NRXN3: variants seen among roughly 807,000 people sequenced by gnomAD.
NRXN3 encodes neurexin 3, also known as neurexin III.
Under a neutral mutation model 137.6 loss-of-function variants are expected in NRXN3, and 32 were observed. The ratio of observed to expected loss-of-function variants is 0.23; its 90% CI spans 0.18 to 0.31. The LOEUF is 0.31. Ranked by LOEUF, NRXN3 falls within the 10% of genes least tolerant of loss-of-function variation. The pLI is 1.00. For missense variants in NRXN3, 1,574 were observed against 2,062.5 expected (o/e 0.76, Z 4.59); for synonymous variants, 798 against 784.5 (o/e 1.02, Z -0.29).
At position 79,359,160 on chromosome 14, in the gene NRXN3, G is replaced by C. The variant is rs372418227; in HGVS notation, c.3263-108061G>C. Among the ~76,000 whole-genome samples the C allele has an allele frequency of 5.5e-3, 834 of 151,940 alleles. 8 individuals carry two copies. The highest frequency in any genetic ancestry group is 0.015 in the African/African-American group (623 of 41,466). ...CCTGTTTCCACCTTCCAAGTATTTT[G>C]GTTTTAGGTAGCAAAGACAATTCTT... On this transcript the variant is annotated intron_variant, in intron 15 of 20. Transcript: ENST00000335750.
At chr14:78,793,741 G>A (rs1385437024) in intron 8 of NRXN3, among the ~76,000 whole-genome samples, 1 of 152,128 alleles carries the variant, frequency 6.6e-6, no homozygotes, top group Non-Finnish European at 1.5e-5. Flanking sequence ...CCAGACCCCA[G>A]AGGGAAAGCA....
chr14:79,241,147 A>G (rs539837738), intron 15 of NRXN3, among the ~76,000 whole-genome samples: 2 of 152,268 alleles, frequency 1.3e-5, no homozygotes, highest in East Asian at 3.9e-4. Context: ...GTAGTGTCAC[A>G]TGGTCAGGTT....
At chr14:79,350,104 T>A (rs1241778881) in intron 15 of NRXN3, among the ~76,000 whole-genome samples, 2 of 152,196 alleles carry the variant, frequency 1.3e-5, no homozygotes, top group Non-Finnish European at 2.9e-5. Context: ...AATACTATAA[T>A]CTATAAGAGT....
intron 4 of NRXN3, among the ~76,000 whole-genome samples, chr14:78,464,163 C>T (rs557852642): frequency 6.6e-6 from 1 of 151,944 alleles, no homozygotes; most frequent in South Asian, 2.1e-4. Flanking sequence ...AGCGATTCTC[C>T]AGCTTCAGCC....
chr14:78,277,091 A>G (rs909199), intron 2 of NRXN3, among the ~76,000 whole-genome samples: 113,744 of 152,110 alleles, frequency 0.75, 42,827 homozygotes, highest in African/African-American at 0.81. Flanking sequence ...AGGGGAGGCA[A>G]GGTGGGGGCT....
In NRXN3 at chr14:79,133,821, C is replaced by CGGGAG. The variant is rs2057898840; in HGVS notation, c.3262+145682_3262+145686dup. Among the ~76,000 whole-genome samples the CGGGAG allele has an allele frequency of 3.3e-5, 5 of 150,848 alleles. No homozygotes were observed. In the South Asian group the frequency reaches 1.1e-3, roughly 32 times the overall value. On this transcript the variant is annotated intron_variant, in intron 15 of 20. Coordinates refer to ENST00000335750, the MANE Select transcript of NRXN3 (RefSeq NM_001330195.2). ...GTGGGCGCCTGTAGTCCCAGCTACT[C>CGGGAG]GGGAGGCTGAGGCAGGAGAATGGCG...
intron 8 of NRXN3, among the ~76,000 whole-genome samples, chr14:78,716,483 G>T (rs558310492): frequency 6.0e-4 from 91 of 152,326 alleles, no homozygotes; most frequent in African/African-American, 2.1e-3. Flanking sequence ...ATAATAAGCT[G>T]TAATAAGATG....
chr14:78,686,063 A>G (rs1283860823), intron 6 of NRXN3, among the ~76,000 whole-genome samples: 1 of 152,144 alleles, frequency 6.6e-6, no homozygotes, highest in Non-Finnish European at 1.5e-5. Flanking sequence ...ACCATCTAAC[A>G]TGCCGTAAAT....
At chr14:79,232,820 T>C (rs571986860) in intron 15 of NRXN3, among the ~76,000 whole-genome samples, 13 of 152,304 alleles carry the variant, frequency 8.5e-5, no homozygotes, top group African/African-American at 3.1e-4. Flanking sequence ...AATCCAACTT[T>C]CTTCTATGTA....
chr14:79,371,099 G>C (rs2094093660), intron 15 of NRXN3, among the ~76,000 whole-genome samples: 1 of 152,196 alleles, frequency 6.6e-6, no homozygotes, highest in Non-Finnish European at 1.5e-5. Context: ...ACTGTTCCAG[G>C]TATCAAGCAG....
At chr14:78,582,718 T>C (rs1305256592) in intron 4 of NRXN3, among the ~76,000 whole-genome samples, 1 of 152,218 alleles carries the variant, frequency 6.6e-6, no homozygotes, top group Non-Finnish European at 1.5e-5. Context: ...GAAATCAATT[T>C]GTTTTCGTTG....
chr14:78,922,938 C>T (rs991009970), intron 10 of NRXN3, among the ~76,000 whole-genome samples: 1 of 152,198 alleles, frequency 6.6e-6, no homozygotes, highest in Non-Finnish European at 1.5e-5. Context: ...GTCACAGCAG[C>T]ATTTTTTCCC....
chr14:78,518,881 A>G (rs1599780110), intron 4 of NRXN3, among the ~76,000 whole-genome samples: 1 of 151,974 alleles, frequency 6.6e-6, no homozygotes. Context: ...GGGTTGTCCC[A>G]TTTGATCACT....
chr14:79,375,235 GTTT>G (rs35994648), intron 15 of NRXN3, among the ~76,000 whole-genome samples: 6 of 129,972 alleles, frequency 4.6e-5, no homozygotes, highest in African/African-American at 1.4e-4. Context: ...GAGTTTTTGT[GTTT>G]TTTTTTTTTT....
intron 20 of NRXN3, among the ~76,000 whole-genome samples, chr14:79,810,710 C>A (rs955589249): frequency 7.8e-4 from 118 of 152,122 alleles, no homozygotes; most frequent in African/African-American, 2.6e-3. Context: ...TAATCTTTAT[C>A]AGTCTGAGAT....
intron 8 of NRXN3, among the ~76,000 whole-genome samples, chr14:78,774,768 T>C (rs2098739615): frequency 6.6e-6 from 1 of 151,858 alleles, no homozygotes; most frequent in Non-Finnish European, 1.5e-5. Flanking sequence ...AAAATAAAAA[T>C]ACAAAATTAG....
intron 6 of NRXN3, among the ~76,000 whole-genome samples, chr14:78,673,776 C>G (rs1217182755): frequency 1.3e-5 from 2 of 152,102 alleles, no homozygotes; most frequent in Non-Finnish European, 2.9e-5. Flanking sequence ...CTAATTAGAA[C>G]CAAAGGTCCC....
intron 15 of NRXN3, among the ~76,000 whole-genome samples, chr14:79,218,579 G>A (rs58180051): frequency 0.06 from 9,152 of 152,154 alleles, 504 homozygotes; most frequent in East Asian, 0.28. Flanking sequence ...GATAAAAAAA[G>A]GAGGTAGCAA....
chr14:79,820,980 G>T (rs987993544), intron 20 of NRXN3, among the ~76,000 whole-genome samples: 1 of 152,110 alleles, frequency 6.6e-6, no homozygotes, highest in African/African-American at 2.4e-5. Context: ...GCCTGGAGAT[G>T]TAAGGTTCTG....
Sources: allele counts gnomAD v4.1 joint callset (sites outside exome capture counted in the v4.1 genomes callset), GRCh38; gene constraint gnomAD v4.1.1; transcripts MANE v1.5; gene names NCBI Gene and HGNC (gene_info 2026-07-23, HGNC 2026-07-21).